Variants in GPC6 observed in about 807,000 individuals in gnomAD.
GPC6 encodes glypican 6.
In GPC6, 14 loss-of-function variants were observed where a neutral mutation model predicts 55.2. That is an observed-to-expected ratio of 0.25 (90% confidence interval 0.17 to 0.40). GPC6 has a LOEUF of 0.40. Ranked by LOEUF, GPC6 falls within the 10% of genes least tolerant of loss-of-function variation. The pLI is 1.00. For synonymous variants in GPC6, 278 were observed against 259.6 expected, an observed-to-expected ratio of 1.07 and a Z score of -0.68; for missense variants, 641 against 708.5, an observed-to-expected ratio of 0.90 and a Z score of 1.08.
intron 2 of GPC6, among the ~76,000 whole-genome samples, chr13:93,669,245 G>A (rs188136516): frequency 4.3e-4 from 65 of 152,154 alleles, no homozygotes; most frequent in Admixed American, 1.9e-3. Context: ...TTGCAATGCC[G>A]GGGACAGAGT....
At chr13:94,298,560 C>A (rs982879935) in intron 5 of GPC6, among the ~76,000 whole-genome samples, 1 of 152,220 alleles carries the variant, frequency 6.6e-6, no homozygotes, top group Non-Finnish European at 1.5e-5. Context: ...CCAGCACCCA[C>A]GGCTCTGATA....
intron 4 of GPC6, among the ~76,000 whole-genome samples, chr13:94,273,675 C>G (rs576415540): frequency 5.9e-5 from 9 of 152,136 alleles, no homozygotes; most frequent in Admixed American, 4.6e-4. Flanking sequence ...AGAGCAGATA[C>G]GAGGGCTACT....
intron 3 of GPC6, among the ~76,000 whole-genome samples, chr13:93,874,560 A>G (rs563300396): frequency 6.6e-6 from 1 of 150,552 alleles, no homozygotes; most frequent in Admixed American, 6.7e-5. Flanking sequence ...TCTCATTGCA[A>G]ATAGAAAGGG....
At chr13:94,324,612 A>G (rs1018735042) in intron 6 of GPC6, among the ~76,000 whole-genome samples, 2 of 152,106 alleles carry the variant, frequency 1.3e-5, no homozygotes, top group African/African-American at 4.8e-5. Context: ...TAAGAGAAAC[A>G]GAGGCACAAA....
At chr13:93,627,079 C>T (rs1016165041) in intron 2 of GPC6, among the ~76,000 whole-genome samples, 14 of 152,068 alleles carry the variant, frequency 9.2e-5, no homozygotes, top group African/African-American at 3.1e-4. Context: ...TAGGTATACA[C>T]ATGCCATGGT....
intron 3 of GPC6, among the ~76,000 whole-genome samples, chr13:93,983,530 G>A (rs559609796): frequency 2.2e-4 from 33 of 151,872 alleles, no homozygotes; most frequent in Non-Finnish European, 3.7e-4. Context: ...CCAACTCCTG[G>A]GCTCAAGCAA....
upstream of GPC6, among the ~76,000 whole-genome samples, chr13:93,223,369 T>C (rs773084760): frequency 5.3e-5 from 8 of 152,056 alleles, no homozygotes; most frequent in Non-Finnish European, 7.4e-5. Context: ...TAAACAGGAG[T>C]TGTATTGTCT....
At chr13:93,838,784 C>G (rs1259072375) in intron 3 of GPC6, among the ~76,000 whole-genome samples, 1 of 152,004 alleles carries the variant, frequency 6.6e-6, no homozygotes, top group Non-Finnish European at 1.5e-5. Flanking sequence ...CAGAGACCCT[C>G]CAGCTCAACA....
At chr13:93,273,606 C>T (rs1008851993) in intron 1 of GPC6, among the ~76,000 whole-genome samples, 1 of 151,850 alleles carries the variant, frequency 6.6e-6, no homozygotes, top group African/African-American at 2.4e-5. Flanking sequence ...TGCAGTGAAC[C>T]GAGATTGCGC....
chr13:94,281,230 T>C (rs1892370350), intron 4 of GPC6, among the ~76,000 whole-genome samples: 2 of 152,216 alleles, frequency 1.3e-5, no homozygotes, highest in Admixed American at 1.3e-4. Flanking sequence ...GTGCAGAATG[T>C]GCAGGTTTGT....
chr13:93,631,937 T>C (rs1470582934), intron 2 of GPC6, among the ~76,000 whole-genome samples: 1 of 152,210 alleles, frequency 6.6e-6, no homozygotes. Context: ...CAAGCTTGTT[T>C]CTCTATCATG....
At chr13:94,168,800 A>G (rs1888459614) in intron 4 of GPC6, among the ~76,000 whole-genome samples, 1 of 151,144 alleles carries the variant, frequency 6.6e-6, no homozygotes, top group African/African-American at 2.4e-5. Context: ...TACATTAATT[A>G]TTATATTCAT....
intron 3 of GPC6, among the ~76,000 whole-genome samples, chr13:94,015,334 G>A (rs1250407032): frequency 1.3e-5 from 2 of 152,010 alleles, no homozygotes; most frequent in Non-Finnish European, 2.9e-5. Flanking sequence ...ATCTTCTTTG[G>A]AAAAATGTCT....
chr13:93,972,215 G>A (rs780035240), intron 3 of GPC6, among the ~76,000 whole-genome samples: 2 of 152,296 alleles, frequency 1.3e-5, no homozygotes, highest in East Asian at 1.9e-4. Flanking sequence ...TTTGCTATCC[G>A]CTATCAAATG....
At chr13:93,592,450 C>A (rs1049171713) in intron 2 of GPC6, among the ~76,000 whole-genome samples, 3 of 148,558 alleles carry the variant, frequency 2.0e-5, no homozygotes, top group Non-Finnish European at 3.0e-5. Flanking sequence ...GGGGTTTCAC[C>A]GTGTTGGCCA....
At chr13:93,784,434 A>G (rs972595499) in intron 2 of GPC6, among the ~76,000 whole-genome samples, 2 of 152,132 alleles carry the variant, frequency 1.3e-5, no homozygotes, top group Admixed American at 1.3e-4. Context: ...CTGTTTATGT[A>G]ATGTACTCCA....
intron 1 of GPC6, among the ~76,000 whole-genome samples, chr13:93,427,260 C>A (rs1476378108): frequency 6.6e-6 from 1 of 151,816 alleles, no homozygotes; most frequent in Non-Finnish European, 1.5e-5. Flanking sequence ...CTTTAAAGTT[C>A]ATATGGAACC....
intron 6 of GPC6, among the ~76,000 whole-genome samples, chr13:94,309,522 T>TTATATATATAATA (rs1594155199): frequency 6.6e-6 from 1 of 152,076 alleles, no homozygotes; most frequent in East Asian, 1.9e-4. Context: ...TCTTATTATA[T>TTATATATATAATA]TTATAAGGAA....
In GPC6 at chr13:93,782,176, G is replaced by A. The variant is rs572554656; in HGVS notation, c.320-47978G>A. On this transcript the variant is annotated intron_variant, in intron 2 of 8. Transcript: ENST00000377047. Reference sequence around the variant, plus strand: ...AGATTCCATGTATGTGTGAGATCACGTGATTTTTATCATTCTGTGCTTGGC... The same window carrying A: ...AGATTCCATGTATGTGTGAGATCACATGATTTTTATCATTCTGTGCTTGGC... 2.6e-5 allele frequency among the ~76,000 whole-genome samples: 4 copies of A among 152,076 alleles called. No homozygotes were observed. In the South Asian group the frequency reaches 6.2e-4, roughly 24 times the overall value.
Sources: gnomAD v4.1 joint callset for allele counts (sites outside exome capture counted in the v4.1 genomes callset) on GRCh38, gnomAD v4.1.1 for gene constraint, MANE v1.5 for transcripts, NCBI Gene and HGNC (gene_info 2026-07-23, HGNC 2026-07-21) for gene names.